The following TAFA2 variants were observed in gnomAD, a reference collection of about 807,000 sequenced individuals.
TAFA2 encodes chemokine-like protein TAFA-2.
In TAFA2, 7 loss-of-function variants were observed where a neutral mutation model predicts 18.8. That is an observed-to-expected ratio of 0.37 (90% CI 0.21 to 0.70). The LOEUF (loss-of-function observed/expected upper bound fraction) is 0.70. Among genes scored for constraint, TAFA2 ranks in the 30% least tolerant of loss-of-function variants. TAFA2 has a pLI of 0.53. For missense variants in TAFA2, 122 were observed against 158.1 expected, an observed-to-expected ratio of 0.77 and a Z score of 1.23; for synonymous variants, 60 against 54.2, an observed-to-expected ratio of 1.11 and a Z score of -0.47.
At chr12:61,726,426 G>A (rs1870170618) in intron 4 of TAFA2, among the ~76,000 whole-genome samples, 1 of 152,092 alleles carries the variant, frequency 6.6e-6, no homozygotes, top group Admixed American at 6.6e-5. Context: ...GTGTTTTGTA[G>A]CTTTCCTTGT....
At chr12:61,947,894 G>A (rs986684150) in intron 1 of TAFA2, among the ~76,000 whole-genome samples, 10 of 152,136 alleles carry the variant, frequency 6.6e-5, no homozygotes, top group Non-Finnish European at 1.3e-4. Flanking sequence ...GAATAAAGAG[G>A]TGAGATGGGA....
At chr12:61,840,947 A>T (rs550195951) in intron 2 of TAFA2, among the ~76,000 whole-genome samples, 3 of 152,262 alleles carry the variant, frequency 2.0e-5, no homozygotes, top group African/African-American at 7.2e-5. Context: ...TCAACATAAA[A>T]GTGTCAAGAT....
chr12:61,897,013 CCATAT>C (rs1875876913), intron 1 of TAFA2, among the ~76,000 whole-genome samples: 1 of 152,006 alleles, frequency 6.6e-6, no homozygotes. Flanking sequence ...TATTACTTTT[CCATAT>C]TATTTGATAC....
intron 2 of TAFA2, among the ~76,000 whole-genome samples, chr12:61,773,794 G>T (rs1173926897): frequency 2.0e-5 from 3 of 151,928 alleles, no homozygotes; most frequent in Non-Finnish European, 4.4e-5. Flanking sequence ...ATTGGCTTAG[G>T]CAAAGCGTTC....
At chr12:62,150,075 G>A (rs150857328) in intron 1 of TAFA2, among the ~76,000 whole-genome samples, 268 of 152,282 alleles carry the variant, frequency 1.8e-3, no homozygotes, top group African/African-American at 6.2e-3. Context: ...GCAGGGGATG[G>A]GGCAGGGGTA....
intron 1 of TAFA2, among the ~76,000 whole-genome samples, chr12:62,077,931 G>T (rs1868262682): frequency 6.6e-6 from 1 of 152,062 alleles, no homozygotes; most frequent in African/African-American, 2.4e-5. Flanking sequence ...TTATTATAGG[G>T]ATCTCAAAAT....
chr12:61,875,928 G>A (rs1874824260), intron 1 of TAFA2, among the ~76,000 whole-genome samples: 1 of 151,894 alleles, frequency 6.6e-6, no homozygotes, highest in Non-Finnish European at 1.5e-5. Flanking sequence ...CTAGGTGGAG[G>A]ACCATTATAT....
chr12:62,217,529 TC>T (rs1232329519), intron 1 of TAFA2, among the ~76,000 whole-genome samples: 15 of 152,194 alleles, frequency 9.9e-5, no homozygotes, highest in Non-Finnish European at 1.2e-4. Flanking sequence ...GCTGCCCAAG[TC>T]AGCTGAAGAA....
intron 1 of TAFA2, among the ~76,000 whole-genome samples, chr12:61,870,176 G>A (rs547033708): frequency 2.2e-4 from 34 of 152,252 alleles, no homozygotes; most frequent in South Asian, 8.3e-4. Flanking sequence ...TCTTCTTTTC[G>A]TAACATCGTC....
At chr12:62,062,579 A>G (rs931650382) in intron 1 of TAFA2, among the ~76,000 whole-genome samples, 1 of 152,178 alleles carries the variant, frequency 6.6e-6, no homozygotes, top group South Asian at 2.1e-4. Flanking sequence ...TGGAGACGTT[A>G]ACACACCTGT....
At chr12:62,113,038 A>G (rs1215567728) in intron 1 of TAFA2, among the ~76,000 whole-genome samples, 1 of 152,020 alleles carries the variant, frequency 6.6e-6, no homozygotes, top group African/African-American at 2.4e-5. Context: ...GCAAGGAGTT[A>G]TGATCCTTTG....
intron 4 of TAFA2, among the ~76,000 whole-genome samples, chr12:61,724,797 G>GTCTA (rs1192585681): frequency 5.3e-5 from 6 of 114,122 alleles, no homozygotes; most frequent in Non-Finnish European, 1.1e-4. Flanking sequence ...GTGTGTGTGT[G>GTCTA]TGTGTATACA....
intron 1 of TAFA2, among the ~76,000 whole-genome samples, chr12:62,199,044 CA>C (rs146286623): frequency 0.084 from 12,849 of 152,200 alleles, 672 homozygotes; most frequent in Middle Eastern, 0.18. Flanking sequence ...TGTGGATTGG[CA>C]ATTTGTTTTT....
intron 1 of TAFA2, among the ~76,000 whole-genome samples, chr12:62,140,602 C>T (rs1242036608): frequency 1.3e-5 from 2 of 152,214 alleles, no homozygotes; most frequent in African/African-American, 4.8e-5. Context: ...AGGTTAATCT[C>T]TAATAAATAT....
At chr12:61,996,598 C>G (rs1301313658) in intron 1 of TAFA2, among the ~76,000 whole-genome samples, 2 of 152,174 alleles carry the variant, frequency 1.3e-5, no homozygotes, top group Non-Finnish European at 2.9e-5. Flanking sequence ...CACCAATTCT[C>G]AAAGTTTGAT....
chr12:61,936,288 C>G (rs543329706), intron 1 of TAFA2, among the ~76,000 whole-genome samples: 1 of 151,892 alleles, frequency 6.6e-6, no homozygotes, highest in African/African-American at 2.4e-5. Flanking sequence ...ATCCCTTGGC[C>G]GGGCACAGTT....
intron 1 of TAFA2, among the ~76,000 whole-genome samples, chr12:61,894,268 A>G (rs1875749947): frequency 6.6e-6 from 1 of 152,234 alleles, no homozygotes; most frequent in Non-Finnish European, 1.5e-5. Flanking sequence ...TCACTGTGCC[A>G]TAACGTACAT....
chr12:61,991,868 C>T (rs1880022646), intron 1 of TAFA2, among the ~76,000 whole-genome samples: 1 of 152,172 alleles, frequency 6.6e-6, no homozygotes, highest in Non-Finnish European at 1.5e-5. Flanking sequence ...TCCTTATACT[C>T]ATCTATTCAG....
At chr12:62,160,185 C>T (rs1395066348) in intron 1 of TAFA2, among the ~76,000 whole-genome samples, 3 of 152,200 alleles carry the variant, frequency 2.0e-5, no homozygotes, top group African/African-American at 7.2e-5. Context: ...CTGCCCTTTC[C>T]TCCCACTAGA....
Sources: gnomAD v4.1 joint callset for allele counts (sites outside exome capture counted in the v4.1 genomes callset) on GRCh38, gnomAD v4.1.1 for gene constraint, MANE v1.5 for transcripts, NCBI Gene and HGNC (gene_info 2026-07-23, HGNC 2026-07-21) for gene names.